The following NGF variants were observed in gnomAD, a reference collection of about 807,000 sequenced individuals.
The protein encoded by NGF is nerve growth factor.
In NGF, 4 loss-of-function variants were observed where a neutral mutation model predicts 12.8. The observed-to-expected ratio is 0.31, with a 90% CI of 0.15 to 0.72. The LOEUF is 0.72. NGF is among the 30% of genes least tolerant of loss of function. The pLI is 0.69. For missense variants in NGF, 283 were observed against 330.8 expected (o/e 0.86, Z 1.12); for synonymous variants, 140 against 130.0 (o/e 1.08, Z -0.52).
At chr1:115,319,440 T>G (rs1654557431) in intron 1 of NGF, among the ~76,000 whole-genome samples, 1 of 152,172 alleles carries the variant, frequency 6.6e-6, no homozygotes, top group South Asian at 2.1e-4. Context: ...TGTACACACC[T>G]GTACACACAC....
At chr1:115,288,645 C>A (rs1211274316) in intron 2 of NGF, among the ~76,000 whole-genome samples, 1 of 152,174 alleles carries the variant, frequency 6.6e-6, no homozygotes, top group Non-Finnish European at 1.5e-5. Context: ...TTGTGCATAA[C>A]CCTATCACCT....
intron 1 of NGF, among the ~76,000 whole-genome samples, chr1:115,328,616 C>T (rs1327092793): frequency 2.6e-5 from 4 of 152,192 alleles, no homozygotes; most frequent in Non-Finnish European, 5.9e-5. Context: ...ACAATATCAA[C>T]ATTTTAATGG....
chr1:115,306,012 A>G (rs1654193828), intron 1 of NGF, among the ~76,000 whole-genome samples: 1 of 152,322 alleles, frequency 6.6e-6, no homozygotes, highest in Non-Finnish European at 1.5e-5. Flanking sequence ...ATAGCAAACC[A>G]TCTCATACAT....
intron 1 of NGF, among the ~76,000 whole-genome samples, chr1:115,310,570 T>C (rs1017041097): frequency 6.6e-6 from 1 of 152,144 alleles, no homozygotes. Context: ...CTATGTTTGG[T>C]CAAGTTACAG....
At chr1:115,288,729 T>C (rs1186474208) in intron 2 of NGF, among the ~76,000 whole-genome samples, 1 of 152,322 alleles carries the variant, frequency 6.6e-6, no homozygotes, top group Non-Finnish European at 1.5e-5. Flanking sequence ...AATTTGCATT[T>C]CAATATTTCC....
intron 1 of NGF, among the ~76,000 whole-genome samples, chr1:115,328,028 G>A (rs763704054): frequency 2.0e-5 from 3 of 152,292 alleles, no homozygotes; most frequent in Admixed American, 6.5e-5. Context: ...ACCTCAAATA[G>A]AGATATCTTA....
intron 1 of NGF, among the ~76,000 whole-genome samples, chr1:115,330,425 C>G (rs962383011): frequency 2.0e-5 from 3 of 152,206 alleles, no homozygotes; most frequent in Admixed American, 6.5e-5. Context: ...TACACACAGT[C>G]GCCATCTAAC....
At chr1:115,297,906 T>A (rs763210004) in intron 1 of NGF, among the ~76,000 whole-genome samples, 1 of 152,214 alleles carries the variant, frequency 6.6e-6, no homozygotes, top group Non-Finnish European at 1.5e-5. Context: ...CAGGAATTTG[T>A]AAAGCTCCCT....
At chr1:115,298,386 C>T (rs1653935326) in intron 1 of NGF, among the ~76,000 whole-genome samples, 1 of 152,152 alleles carries the variant, frequency 6.6e-6, no homozygotes, top group Admixed American at 6.5e-5. Flanking sequence ...AATTCCTTTT[C>T]CCATTGTGGA....
intron 1 of NGF, among the ~76,000 whole-genome samples, chr1:115,302,831 G>A (rs1011467235): frequency 6.6e-5 from 10 of 152,202 alleles, no homozygotes; most frequent in African/African-American, 2.4e-4. Context: ...TATCCTGTGT[G>A]GTTGTGCATT....
intron 1 of NGF, among the ~76,000 whole-genome samples, chr1:115,294,546 G>A (rs1653804357): frequency 6.6e-6 from 1 of 152,216 alleles, no homozygotes; most frequent in Non-Finnish European, 1.5e-5. Context: ...GGAGCTTACA[G>A]TGTTGTGTAA....
At chr1:115,317,780 C>A (rs1175165571) in intron 1 of NGF, among the ~76,000 whole-genome samples, 2 of 152,216 alleles carry the variant, frequency 1.3e-5, no homozygotes, top group African/African-American at 4.8e-5. Flanking sequence ...CTGCCGCTGG[C>A]AGGAGTCCCG....
Position 115,286,555 on chromosome 1 carries a change from G to A in NGF, c.241C>T (p.Arg81Ter). 3 of 1,614,178 alleles carry A rather than the reference G, an allele frequency of 1.9e-6. No individual in the cohort carries two copies. The highest frequency in any genetic ancestry group is 2.2e-5 in the South Asian group (2 of 91,082). The change falls in exon 3 of 3, where the codon CGA becomes TGA. Residue 81 changes from arginine (R) to a stop codon, truncating the protein, a stop_gained. Coordinates refer to ENST00000369512, the MANE Select transcript of NGF (RefSeq NM_002506.3). LOFTEE classifies it high-confidence loss of function. ...TVDPRLFKKR[R>*]LRSPRVLFST... ...AACAGCACACGGGGTGAACGGAGTC[G>A]CCGCTTTTTAAACAGCCTGGGGTCC...
rs1035823740 is a variant in NGF, at chr1:115,286,055, G to C, written c.*15C>G. ...AGAGTGTAGAAGGGGCAGGGGGAGG[G>C]AGCGTGTCGGCAGGTCAGGCTCTTC... is the stretch of plus-strand genomic sequence containing the variant. On this transcript the variant is annotated 3_prime_UTR_variant, in exon 3 of 3. Transcript: ENST00000369512. 1.9e-6 allele frequency: 3 copies of C among 1,612,386 alleles called. No individual in the cohort carries two copies. Among genetic ancestry groups the C allele is most frequent in the Non-Finnish European group, 2.5e-6 (3 of 1,179,374 alleles).
At chr1:115,307,545 T>C (rs1654234859) in intron 1 of NGF, among the ~76,000 whole-genome samples, 1 of 152,224 alleles carries the variant, frequency 6.6e-6, no homozygotes, top group Non-Finnish European at 1.5e-5. Context: ...GCTGGTGAGA[T>C]GTGATTCCTG....
At chr1:115,312,586 T>C (rs974015562) in intron 1 of NGF, among the ~76,000 whole-genome samples, 10 of 152,242 alleles carry the variant, frequency 6.6e-5, no homozygotes, top group African/African-American at 2.4e-4. Flanking sequence ...TTTTTGTCTT[T>C]TGCTTTACCT....
At chr1:115,328,195 A>G (rs1460050316) in intron 1 of NGF, among the ~76,000 whole-genome samples, 1 of 151,974 alleles carries the variant, frequency 6.6e-6, no homozygotes, top group African/African-American at 2.4e-5. Context: ...CCCTGGGGGA[A>G]CAAGGGTGAA....
At chr1:115,332,356 C>T (rs745622009) in intron 1 of NGF, among the ~76,000 whole-genome samples, 34 of 152,178 alleles carry the variant, frequency 2.2e-4, no homozygotes, top group Non-Finnish European at 4.4e-4. Flanking sequence ...AAAATTCTAT[C>T]AAAATGAGAA....
rs557907982 is a variant in NGF, at chr1:115,314,206, C to G, written c.-136-20456G>C. 5.3e-5 allele frequency among the ~76,000 whole-genome samples: 8 copies of G among 152,212 alleles called. No individual in the cohort carries two copies. The East Asian group carries it at 1.4e-3, about 26-fold the overall frequency. ...CACGGTTCTGTGACACATGGCGTACCCTTCCCCTCCAAGACAGACTCTGTG... is the reference window on the plus strand; with the variant it reads ...CACGGTTCTGTGACACATGGCGTACGCTTCCCCTCCAAGACAGACTCTGTG... On this transcript the variant is annotated intron_variant, in intron 1 of 2. Transcript: ENST00000369512.
Sources: allele counts gnomAD v4.1 joint callset (sites outside exome capture counted in the v4.1 genomes callset), GRCh38; gene constraint gnomAD v4.1.1; transcripts MANE v1.5; gene names NCBI Gene and HGNC (gene_info 2026-07-23, HGNC 2026-07-21).